Variants in IRAK1BP1 observed in about 807,000 individuals in gnomAD.
IRAK1BP1 encodes the protein interleukin 1 receptor associated kinase 1 binding protein 1.
A neutral mutation model predicts 28.0 loss-of-function variants in IRAK1BP1; 24 were observed. That is an observed-to-expected ratio of 0.86 (90% CI 0.62 to 1.20). IRAK1BP1 has a LOEUF of 1.20. Among genes scored for constraint, IRAK1BP1 ranks in the 50% most tolerant of loss-of-function variants. The probability of loss-of-function intolerance (pLI) is 0.00; values close to 1 mark genes in which losing one functional copy is unlikely to be tolerated. For missense variants in IRAK1BP1, 336 were observed against 316.7 expected, an observed-to-expected ratio of 1.06 and a Z score of -0.46; for synonymous variants, 131 against 116.3, an observed-to-expected ratio of 1.13 and a Z score of -0.81.
chr6:78,937,441 G>C (rs1773316882), intron 4 of IRAK1BP1: 1 of 151,706 alleles, frequency 6.6e-6, no homozygotes, highest in Non-Finnish European at 1.5e-5. Context: ...ATGAGGGACA[G>C]TTCTAGATGT....
rs58937738 is a variant in IRAK1BP1, at chr6:78,898,411, A to AATATATATAT, written c.*102_*111dup. ...TTTTATAATGTTTACGTTTGTCCTGAATATATATATATATATATATATATA... is the reference window on the plus strand; with the variant it reads ...TTTTATAATGTTTACGTTTGTCCTGAATATATATATATATATATATATATATATATATATA... On this transcript the variant is annotated 3_prime_UTR_variant, in exon 4 of 4. Coordinates refer to ENST00000369940, the MANE Select transcript of IRAK1BP1 (RefSeq NM_001010844.4). The AATATATATAT allele has an allele frequency of 0.024, 2,063 of 86,366 alleles. 148 individuals carry two copies. Among genetic ancestry groups the AATATATATAT allele is most frequent in the Admixed American group, 0.051 (302 of 5,930 alleles). The allele number at this position is 86,366 out of a possible 1,614,324, so 5.3% of individuals were successfully genotyped here.
At chr6:78,949,983 T>C (rs1452223586), downstream of IRAK1BP1, among the ~76,000 whole-genome samples, 1 of 152,106 alleles carries the variant, frequency 6.6e-6, no homozygotes, top group Non-Finnish European at 1.5e-5. Context: ...GCCACCATGC[T>C]TGGCCTGGGA....
intron 4 of IRAK1BP1, among the ~76,000 whole-genome samples, chr6:78,919,622 A>G (rs1182461826): frequency 6.6e-6 from 1 of 152,298 alleles, no homozygotes; most frequent in Non-Finnish European, 1.5e-5. Flanking sequence ...TGGAAATACA[A>G]CCTCCCAAGA....
At chr6:78,903,488 CA>C (rs533525470), downstream of IRAK1BP1, among the ~76,000 whole-genome samples, 3,149 of 150,428 alleles carry the variant, frequency 0.021, 49 homozygotes, top group Non-Finnish European at 0.031. Flanking sequence ...GAGACTATTG[CA>C]AAAAAAAGAA....
At chr6:78,885,324 G>T in intron 1 of IRAK1BP1, 54 bp from the exon 2 acceptor site, 2 of 956,734 alleles carry the variant, frequency 2.1e-6, no homozygotes, top group South Asian at 2.8e-5. Context: ...TTATGTTTTA[G>T]AGTAATTGCA....
chr6:78,937,723 ACTATAG>A (rs1773328342), intron 4 of IRAK1BP1: 4 of 151,866 alleles, frequency 2.6e-5, no homozygotes. Context: ...GTCCAATGCC[ACTATAG>A]CAGGTCACAA....
chr6:78,914,183 T>C (rs1315918870), intron 4 of IRAK1BP1, among the ~76,000 whole-genome samples: 2 of 152,028 alleles, frequency 1.3e-5, no homozygotes, highest in Non-Finnish European at 1.5e-5. Context: ...CAAAAGAACA[T>C]TGAAAAAAAA....
At chr6:78,932,235 G>T (rs1027837732) in intron 4 of IRAK1BP1, among the ~76,000 whole-genome samples, 6 of 151,950 alleles carry the variant, frequency 3.9e-5, no homozygotes, top group Non-Finnish European at 7.4e-5. Flanking sequence ...ATCCATGAGG[G>T]TTGGAATCAA....
chr6:78,969,348 A>G, the IRAK1BP1 span, among the ~76,000 whole-genome samples: 1 of 152,226 alleles, frequency 6.6e-6, no homozygotes, highest in South Asian at 2.1e-4. Flanking sequence ...TACTCTCATA[A>G]GTGGCACATC....
At chr6:78,961,662 G>A in the IRAK1BP1 span, 1 of 1,604,640 alleles carries the variant, frequency 6.2e-7, no homozygotes, top group East Asian at 2.2e-5. Context: ...GCTTTCCTTT[G>A]ATAGTAGCTA....
the IRAK1BP1 span, chr6:78,969,785 AG>A: frequency 8.2e-6 from 7 of 854,942 alleles, no homozygotes; most frequent in Non-Finnish European, 1.3e-5. Context: ...TCACTTACTA[AG>A]AAAAAAAAAC....
downstream of IRAK1BP1, among the ~76,000 whole-genome samples, chr6:78,907,170 C>G (rs1009258627): frequency 6.6e-6 from 1 of 152,128 alleles, no homozygotes; most frequent in African/African-American, 2.4e-5. Flanking sequence ...ACTAACTTTG[C>G]TGTGCAAATT....
chr6:78,888,061 A>G (rs974435211), intron 2 of IRAK1BP1, among the ~76,000 whole-genome samples: 4 of 152,180 alleles, frequency 2.6e-5, no homozygotes, highest in Non-Finnish European at 5.9e-5. Context: ...AAACATTGCT[A>G]TGCCTGCAAG....
At chr6:78,952,408 A>C in the IRAK1BP1 span, among the ~76,000 whole-genome samples, 4 of 144,782 alleles carry the variant, frequency 2.8e-5, no homozygotes, top group African/African-American at 1.0e-4. Flanking sequence ...ACAGAGTGAG[A>C]CTCTGTCCCA....
the IRAK1BP1 span, among the ~76,000 whole-genome samples, chr6:78,967,129 A>G: frequency 3.9e-5 from 6 of 152,214 alleles, no homozygotes; most frequent in Non-Finnish European, 7.3e-5. Flanking sequence ...AAAGGATTTA[A>G]AAGTTTATAA....
In IRAK1BP1 at chr6:78,934,778, C is replaced by T. The variant is rs150699408; in HGVS notation, c.*68-10630C>T. ...ATGAGGAAAATGAAGCTCTGAGATACGACTTTGCTGGGGTTCCTCTACTTC... is the reference window on the plus strand; with the variant it reads ...ATGAGGAAAATGAAGCTCTGAGATATGACTTTGCTGGGGTTCCTCTACTTC... On this transcript the variant is annotated intron_variant and NMD_transcript_variant, in intron 4 of 4. Transcript: ENST00000606868. Among the ~76,000 whole-genome samples the T allele has an allele frequency of 2.4e-3, 371 of 152,290 alleles. 1 individual carries two copies. The highest frequency in any genetic ancestry group is 8.7e-3 in the African/African-American group (362 of 41,550).
chr6:78,968,576 C>T, the IRAK1BP1 span, among the ~76,000 whole-genome samples: 1 of 152,186 alleles, frequency 6.6e-6, no homozygotes, highest in South Asian at 2.1e-4. Context: ...CCTGTGGATA[C>T]TAAGGGACAA....
chr6:78,915,873 T>C (rs1206803143), intron 4 of IRAK1BP1, among the ~76,000 whole-genome samples: 1 of 152,268 alleles, frequency 6.6e-6, no homozygotes. Context: ...CAGATAATAG[T>C]GTTGGCAATT....
At chr6:78,935,544 T>C in intron 4 of IRAK1BP1, 1 of 968,136 alleles carries the variant, frequency 1.0e-6, no homozygotes, top group African/African-American at 1.8e-5. Context: ...TAGTGAAGTA[T>C]TTATCACTCA....
Sources: gnomAD v4.1 joint callset for allele counts (sites outside exome capture counted in the v4.1 genomes callset) on GRCh38, gnomAD v4.1.1 for gene constraint, MANE v1.5 for transcripts, NCBI Gene and HGNC (gene_info 2026-07-23, HGNC 2026-07-21) for gene names.